SETBP1: variants seen among roughly 807,000 people sequenced by gnomAD.
The protein encoded by SETBP1 is SET binding protein 1, also known as SET-binding protein.
Under a neutral mutation model 101.0 loss-of-function variants are expected in SETBP1, and 9 were observed. That is an observed-to-expected ratio of 0.09 (90% CI 0.05 to 0.16). The LOEUF (loss-of-function observed/expected upper bound fraction) is 0.16. Ranked by LOEUF, SETBP1 falls within the 10% of genes least tolerant of loss-of-function variation. The pLI is 1.00. For missense variants in SETBP1, 1,858 were observed against 2,033.8 expected, an observed-to-expected ratio of 0.91 and a Z score of 1.66; for synonymous variants, 818 against 788.5, an observed-to-expected ratio of 1.04 and a Z score of -0.63.
Position 45,059,623 on chromosome 18 carries a change from A to T in SETBP1, c.4172-3456A>T, listed in dbSNP as rs2073860752. On this transcript the variant is annotated intron_variant, in intron 5 of 5. Coordinates refer to ENST00000649279, the MANE Select transcript of SETBP1 (RefSeq NM_015559.3). ...TGTAGTTCAAGGTAGTTAGTTCTAGATCTGTGCTGCCCCATAGGGTAGCCA... is the reference window on the plus strand; with the variant it reads ...TGTAGTTCAAGGTAGTTAGTTCTAGTTCTGTGCTGCCCCATAGGGTAGCCA... Among the ~76,000 whole-genome samples the T allele has an allele frequency of 2.0e-5, 3 of 152,134 alleles. No homozygotes were observed. The South Asian group carries it at 6.2e-4, about 32-fold the overall frequency.
intron 2 of SETBP1, among the ~76,000 whole-genome samples, chr18:44,767,064 G>A (rs558824707): frequency 2.2e-4 from 34 of 152,220 alleles, no homozygotes; most frequent in Non-Finnish European, 4.0e-4. Context: ...GAAACAATAG[G>A]TAGGAGTGAC....
intron 4 of SETBP1, among the ~76,000 whole-genome samples, chr18:45,016,614 C>T (rs931982251): frequency 2.0e-5 from 3 of 152,116 alleles, no homozygotes; most frequent in African/African-American, 4.8e-5. Context: ...AAATATGCTG[C>T]TTCAATTTTA....
Position 44,701,614 on chromosome 18 carries a change from G to A in SETBP1, c.268G>A (p.Glu90Lys), listed in dbSNP as rs867120296. 1 of 1,614,162 alleles carries A rather than the reference G, an allele frequency of 6.2e-7. No individual in the cohort carries two copies. The highest frequency in any genetic ancestry group is 8.5e-7 in the Non-Finnish European group (1 of 1,180,032). The stretch of plus-strand genomic sequence containing the variant: ...GGCAGGAGATGGTTTGGAAGAGCAG[G>A]AATTTTCTATCAAGGAGGCAAACTT... ...WVAGDGLEEQ[E>K]FSIKEANFTE... Residue 90 changes from glutamate to lysine, a missense_variant, in exon 2 of 6, where the codon GAA becomes AAA. Glu to Lys is a moderately conservative substitution (Grantham distance 56, BLOSUM62 1). This residue lies in a region of SETBP1 where 28 missense variants were observed against 59.2 expected (regional missense o/e 0.47). Transcript: ENST00000649279.
chr18:44,796,603 A>G (rs915727904), intron 2 of SETBP1, among the ~76,000 whole-genome samples: 1 of 152,240 alleles, frequency 6.6e-6, no homozygotes, highest in African/African-American at 2.4e-5. Context: ...CACATTACAG[A>G]TGAATAGTCT....
chr18:44,830,631 A>G (rs1425947140), intron 2 of SETBP1, among the ~76,000 whole-genome samples: 1 of 152,174 alleles, frequency 6.6e-6, no homozygotes, highest in Non-Finnish European at 1.5e-5. Flanking sequence ...GATCAGATGG[A>G]AGCTGGGTGG....
chr18:44,917,263 A>G (rs888422801), intron 3 of SETBP1, among the ~76,000 whole-genome samples: 10 of 152,284 alleles, frequency 6.6e-5, no homozygotes, highest in Admixed American at 2.0e-4. Context: ...TTGTAAAACG[A>G]AAAGGTGGTG....
intron 2 of SETBP1, among the ~76,000 whole-genome samples, chr18:44,762,875 A>G (rs2070687399): frequency 6.6e-6 from 1 of 152,224 alleles, no homozygotes; most frequent in Non-Finnish European, 1.5e-5. Context: ...TCTTTTTATG[A>G]GTTATTCATT....
intron 3 of SETBP1, among the ~76,000 whole-genome samples, chr18:44,912,117 C>T (rs2070323803): frequency 6.6e-6 from 1 of 152,114 alleles, no homozygotes; most frequent in Non-Finnish European, 1.5e-5. Flanking sequence ...TTAAGTGTAG[C>T]TCAGGTTTAT....
chr18:44,999,586 A>G (rs1451940296), intron 4 of SETBP1, among the ~76,000 whole-genome samples: 1 of 152,226 alleles, frequency 6.6e-6, no homozygotes, highest in Non-Finnish European at 1.5e-5. Context: ...ACATAGGCAC[A>G]ATAAGATACA....
At chr18:44,711,545 A>T (rs1476941253) in intron 2 of SETBP1, among the ~76,000 whole-genome samples, 1 of 143,408 alleles carries the variant, frequency 7.0e-6, no homozygotes, top group Non-Finnish European at 1.5e-5. Context: ...TCTTTTTTTA[A>T]AACAGGGTCT....
At chr18:44,942,901 G>A (rs1339423747) in intron 3 of SETBP1, among the ~76,000 whole-genome samples, 6 of 152,128 alleles carry the variant, frequency 3.9e-5, no homozygotes, top group African/African-American at 1.4e-4. Context: ...AAATAAGAAT[G>A]AATTTTATGG....
chr18:44,686,206 T>C (rs558632465), intron 1 of SETBP1, among the ~76,000 whole-genome samples: 2 of 152,376 alleles, frequency 1.3e-5, no homozygotes, highest in Admixed American at 1.3e-4. Context: ...GACTCTTCTG[T>C]GTCCCTCCTT....
intron 2 of SETBP1, among the ~76,000 whole-genome samples, chr18:44,737,954 GCAA>G (rs1376125135): frequency 7.9e-5 from 12 of 152,184 alleles, no homozygotes; most frequent in African/African-American, 2.9e-4. Flanking sequence ...TATTTTGATA[GCAA>G]CAACATCACC....
At chr18:44,813,506 A>AG (rs2071908372) in intron 2 of SETBP1, among the ~76,000 whole-genome samples, 1 of 152,174 alleles carries the variant, frequency 6.6e-6, no homozygotes, top group Admixed American at 6.5e-5. Flanking sequence ...AGTGCATGCT[A>AG]GACTGGGAGC....
At chr18:44,836,153 C>A (rs1309409375) in intron 2 of SETBP1, among the ~76,000 whole-genome samples, 1 of 151,060 alleles carries the variant, frequency 6.6e-6, no homozygotes, top group Non-Finnish European at 1.5e-5. Context: ...TATTTACATG[C>A]TTTCCATATT....
At chr18:44,892,725 A>G (rs2069801274) in intron 3 of SETBP1, among the ~76,000 whole-genome samples, 1 of 152,114 alleles carries the variant, frequency 6.6e-6, no homozygotes, top group African/African-American at 2.4e-5. Context: ...TGTAACTGCT[A>G]CATAATAATT....
chr18:44,744,292 C>A (rs564821117), intron 2 of SETBP1, among the ~76,000 whole-genome samples: 5 of 152,358 alleles, frequency 3.3e-5, no homozygotes, highest in African/African-American at 4.8e-5. Flanking sequence ...CCTGCTCCCC[C>A]CTTCCCTGCA....
intron 3 of SETBP1, among the ~76,000 whole-genome samples, chr18:44,943,865 C>A (rs1383384114): frequency 6.7e-6 from 1 of 148,868 alleles, no homozygotes; most frequent in African/African-American, 2.5e-5. Context: ...GACAGAGTCT[C>A]TCTCTGTTGC....
intron 2 of SETBP1, among the ~76,000 whole-genome samples, chr18:44,816,705 G>A (rs1429526795): frequency 2.0e-5 from 3 of 152,124 alleles, no homozygotes; most frequent in Admixed American, 6.5e-5. Context: ...CAACGAAATA[G>A]AACACCGCAG....
Sources: gnomAD v4.1 joint callset for allele counts (sites outside exome capture counted in the v4.1 genomes callset) on GRCh38, gnomAD v4.1.1 for gene constraint, gnomAD v4.1.1 regional missense constraint, MANE v1.5 for transcripts, NCBI Gene and HGNC (gene_info 2026-07-23, HGNC 2026-07-21) for gene names.